The following KIF1B variants were observed in gnomAD, a reference collection of about 807,000 sequenced individuals.
KIF1B encodes kinesin family member 1B.
A neutral mutation model predicts 241.9 loss-of-function variants in KIF1B; 76 were observed. That is an observed-to-expected ratio of 0.31 (90% confidence interval 0.26 to 0.38). The LOEUF is 0.38. Among genes scored for constraint, KIF1B ranks in the 10% least tolerant of loss-of-function variants. The pLI is 1.00. For missense variants in KIF1B, 1,622 were observed against 2,271.4 expected (o/e 0.71, Z 5.81); for synonymous variants, 750 against 796.7 (o/e 0.94, Z 0.99).
chr1:10,234,137 C>G (rs143518017), intron 2 of KIF1B, among the ~76,000 whole-genome samples: 1 of 151,970 alleles, frequency 6.6e-6, no homozygotes, highest in Non-Finnish European at 1.5e-5. Context: ...TCCCTTCTAT[C>G]GGATTTGCAA....
Position 10,343,282 on chromosome 1 carries a change from A to G in KIF1B, c.3683A>G (p.Lys1228Arg). 1 of 1,614,152 alleles carries G rather than the reference A, an allele frequency of 6.2e-7. No homozygotes were observed. The highest frequency in any genetic ancestry group is 8.5e-7 in the Non-Finnish European group (1 of 1,179,998). The part of the protein sequence containing the change: ...RFFPPPMPLS[K>R]PVPATKLNTM... ...TTCCCTCCACCCATGCCACTGTCCA[A>G]GCCAGGTGAGCACTCGCTCCGCTTT... Residue 1228 changes from lysine to arginine, a missense_variant, in exon 34 of 49, where the codon AAG becomes AGG. Physicochemically the swap from Lys to Arg is conservative, Grantham distance 26. Transcript: ENST00000676179.
At chr1:10,249,714 C>G (rs762984002) in intron 2 of KIF1B, among the ~76,000 whole-genome samples, 2 of 152,148 alleles carry the variant, frequency 1.3e-5, no homozygotes, top group Non-Finnish European at 2.9e-5. Context: ...CCAGCTGGAG[C>G]AACCTAGGGA....
At position 10,378,715 on chromosome 1, in the gene KIF1B, C is replaced by T. The variant is rs943700412; in HGVS notation, c.*2128C>T. The T allele has an allele frequency of 1.9e-4, 74 of 397,224 alleles. No homozygotes were observed. Among genetic ancestry groups the T allele is most frequent in the Non-Finnish European group, 2.9e-4 (63 of 214,678 alleles). The allele number at this position is 397,224 out of a possible 1,614,324, so 24.6% of individuals were successfully genotyped here. ...TCATCCACAACCTTGTTTCTCACTTCCTGGTTGGGCTCATCTCTGAAGAAC... is the reference window on the plus strand; with the variant it reads ...TCATCCACAACCTTGTTTCTCACTTTCTGGTTGGGCTCATCTCTGAAGAAC... On this transcript the variant is annotated 3_prime_UTR_variant, in exon 49 of 49. Transcript: ENST00000676179.
chr1:10,322,994 C>T (rs1238847506), intron 24 of KIF1B, among the ~76,000 whole-genome samples: 9 of 152,160 alleles, frequency 5.9e-5, no homozygotes, highest in South Asian at 2.1e-4. Context: ...AGTACAGTGG[C>T]GCAATTATGG....
chr1:10,303,036 T>A lies in KIF1B; in HGVS notation c.2115+5790T>A. 2.6e-6 allele frequency: 3 copies of A among 1,165,892 alleles called. No individual in the cohort carries two copies. In the South Asian group the frequency reaches 4.9e-5, roughly 19 times the overall value. 72.2% of individuals were successfully genotyped at this position (1,165,892 alleles called of 1,614,324 possible). The stretch of plus-strand genomic sequence containing the variant: ...TTTTTGGTTTTGTTTTGTTTTTTAG[T>A]TTTTTTGGTCTTATTTTTAAATTTG... On this transcript the variant is annotated intron_variant, in intron 22 of 48. Coordinates refer to ENST00000676179, the MANE Select transcript of KIF1B (RefSeq NM_001365951.3). This position sits in a 1 kb window ranked among gnomAD's most constrained non-coding sequence, Gnocchi z 5.2.
chr1:10,272,797 T>A (rs555634042), intron 9 of KIF1B, among the ~76,000 whole-genome samples: 10 of 152,036 alleles, frequency 6.6e-5, no homozygotes, highest in African/African-American at 2.2e-4. Flanking sequence ...CTATTTTTTT[T>A]AAATTAGGGG....
Position 10,334,609 on chromosome 1 carries a change from T to G in KIF1B, c.3014T>G (p.Phe1005Cys), listed in dbSNP as rs780454200. 1.2e-6 allele frequency: 2 copies of G among 1,613,994 alleles called. No individual in the cohort carries two copies. Among genetic ancestry groups the G allele is most frequent in the Non-Finnish European group, 8.5e-7 (1 of 1,179,876 alleles). The change falls in exon 28 of 49, where the codon TTT (phenylalanine) becomes TGT (cysteine). Residue 1005 changes from phenylalanine to cysteine, a missense_variant. Transcript: ENST00000676179. ...AGTGAGAAAGGTGAAGTGCGGGGAT[T>G]TCTGCGTGTGGCTGTACAGGCCATC... ...IVSEKGEVRG[F>C]LRVAVQAIAA...
Position 10,347,714 on chromosome 1 carries a change from C to A in KIF1B, c.3798-47C>A, listed in dbSNP as rs373391092. 76 of 1,485,332 alleles carry A rather than the reference C, an allele frequency of 5.1e-5. 1 individual carries two copies. Among genetic ancestry groups the A allele is most frequent in the Non-Finnish European group, 4.7e-5 (50 of 1,064,636 alleles). The allele number at this position is 1,485,332 out of a possible 1,614,324, so 92.0% of individuals were successfully genotyped here. ...AAAGACCACCAGGGGCTAAGCCTTG[C>A]AGATGAAGTAGCACTTAGTTTTTTC... On this transcript the variant is annotated intron_variant, in intron 35 of 48. Coordinates refer to ENST00000676179, the MANE Select transcript of KIF1B (RefSeq NM_001365951.3).
intron 27 of KIF1B, among the ~76,000 whole-genome samples, chr1:10,330,796 C>G (rs1407750727): frequency 6.6e-6 from 1 of 152,130 alleles, no homozygotes; most frequent in South Asian, 2.1e-4. Context: ...TGGTTCCTGC[C>G]CTCATAGACT....
At chr1:10,242,267 GT>G (rs1357675379) in intron 2 of KIF1B, among the ~76,000 whole-genome samples, 1 of 151,820 alleles carries the variant, frequency 6.6e-6, no homozygotes, top group Non-Finnish European at 1.5e-5. Flanking sequence ...ACAGTCATGC[GT>G]TGAGAAATGT....
chr1:10,239,890 C>T (rs146321793), intron 2 of KIF1B, among the ~76,000 whole-genome samples: 2,508 of 151,748 alleles, frequency 0.017, 58 homozygotes, highest in African/African-American at 0.055. Flanking sequence ...CTCAGCCTCC[C>T]GAGTAGCTGG....
chr1:10,272,062 A>T (rs906990815), intron 8 of KIF1B, among the ~76,000 whole-genome samples, 179 bp from the exon 9 acceptor site: 1 of 152,236 alleles, frequency 6.6e-6, no homozygotes, highest in African/African-American at 2.4e-5. Flanking sequence ...TGAGTTAGGC[A>T]TGTGGTCTCA....
intron 2 of KIF1B, among the ~76,000 whole-genome samples, chr1:10,236,753 T>C (rs1647056795): frequency 6.6e-6 from 1 of 152,210 alleles, no homozygotes; most frequent in South Asian, 2.1e-4. Context: ...TTGACTAATA[T>C]GTATGCCAAG....
intron 2 of KIF1B, among the ~76,000 whole-genome samples, chr1:10,237,990 T>A (rs935945919): frequency 6.6e-6 from 1 of 151,730 alleles, no homozygotes; most frequent in Non-Finnish European, 1.5e-5. Context: ...GCCTGGGCAA[T>A]GGAGTGAGAC....
At chr1:10,217,843 T>G (rs1009812838) in intron 1 of KIF1B, among the ~76,000 whole-genome samples, 1 of 151,990 alleles carries the variant, frequency 6.6e-6, no homozygotes, top group African/African-American at 2.4e-5. Flanking sequence ...TATACCTGAT[T>G]TATTAATTTT....
chr1:10,235,645 G>C (rs1435489458), intron 2 of KIF1B, among the ~76,000 whole-genome samples: 1 of 152,148 alleles, frequency 6.6e-6, no homozygotes, highest in Non-Finnish European at 1.5e-5. Flanking sequence ...TGGATCACCT[G>C]AGGTCAGGAG....
At chr1:10,325,667 A>C (rs935652049) in intron 26 of KIF1B, among the ~76,000 whole-genome samples, 1 of 152,200 alleles carries the variant, frequency 6.6e-6, no homozygotes, top group Admixed American at 6.5e-5. Flanking sequence ...TACCCTAGCA[A>C]AGCACATGCT....
intron 4 of KIF1B, among the ~76,000 whole-genome samples, chr1:10,259,603 A>G (rs1648004812): frequency 6.6e-6 from 1 of 151,802 alleles, no homozygotes; most frequent in Admixed American, 6.6e-5. Flanking sequence ...CCTGGGTTCA[A>G]GTGATTCTCC....
chr1:10,355,652 A>C lies in KIF1B; in HGVS notation c.4055+2916A>C, dbSNP rs79616662. Reference sequence around the variant, plus strand: ...AGACTCTTTCAAGTTTTCCTCTTCTACATTACAAAGTAGAATGTTTCTCCC... The same window carrying C: ...AGACTCTTTCAAGTTTTCCTCTTCTCCATTACAAAGTAGAATGTTTCTCCC... On this transcript the variant is annotated intron_variant, in intron 38 of 48. Coordinates refer to ENST00000676179, the MANE Select transcript of KIF1B (RefSeq NM_001365951.3). Among the ~76,000 whole-genome samples the C allele has an allele frequency of 9.8e-3, 1,499 of 152,286 alleles. 19 individuals are homozygous for C. Among genetic ancestry groups the C allele is most frequent in the African/African-American group, 0.034 (1,405 of 41,566 alleles).
Sources: allele counts gnomAD v4.1 joint callset (sites outside exome capture counted in the v4.1 genomes callset), GRCh38; gene constraint gnomAD v4.1.1; non-coding constraint Gnocchi (gnomAD v3.1); transcripts MANE v1.5; gene names NCBI Gene and HGNC (gene_info 2026-07-23, HGNC 2026-07-21).